The following RGL1 variants were observed in gnomAD, a reference collection of about 807,000 sequenced individuals.
The protein encoded by RGL1 is ral guanine nucleotide dissociation stimulator-like 1.
In RGL1, 24 loss-of-function variants were observed where a neutral mutation model predicts 95.2. The observed-to-expected ratio is 0.25, with a 90% CI of 0.18 to 0.35. The LOEUF (loss-of-function observed/expected upper bound fraction) is 0.35. Among genes scored for constraint, RGL1 ranks in the 10% least tolerant of loss-of-function variants. The pLI is 1.00. For missense variants in RGL1, 715 were observed against 936.3 expected (o/e 0.76, Z 3.08); for synonymous variants, 329 against 344.9 (o/e 0.95, Z 0.51).
At chr1:183,882,081 T>A (rs1208241938) in intron 5 of RGL1, among the ~76,000 whole-genome samples, 1 of 152,266 alleles carries the variant, frequency 6.6e-6, no homozygotes, top group Non-Finnish European at 1.5e-5. Flanking sequence ...AGTTCCCATG[T>A]GCTTGTTTTA....
intron 11 of RGL1, among the ~76,000 whole-genome samples, chr1:183,901,867 A>G (rs1668044723): frequency 6.6e-6 from 1 of 152,106 alleles, no homozygotes; most frequent in South Asian, 2.1e-4. Flanking sequence ...AGTATATACT[A>G]CCCCCTTGTT....
intron 15 of RGL1, among the ~76,000 whole-genome samples, chr1:183,914,505 ACCT>A: frequency 6.6e-6 from 1 of 152,112 alleles, no homozygotes; most frequent in South Asian, 2.1e-4. Flanking sequence ...GACTGAGCTG[ACCT>A]CCACACTTCC....
chr1:183,831,262 C>G (rs1663241551), intron 2 of RGL1, among the ~76,000 whole-genome samples: 1 of 152,130 alleles, frequency 6.6e-6, no homozygotes, highest in East Asian at 1.9e-4. Context: ...TCAGGCTGAG[C>G]AGCATTTAAG....
At chr1:183,875,460 G>A (rs961348228) in intron 4 of RGL1, among the ~76,000 whole-genome samples, 1 of 152,152 alleles carries the variant, frequency 6.6e-6, no homozygotes, top group Non-Finnish European at 1.5e-5. Flanking sequence ...TCTGCATTGC[G>A]TGCCTGAAGA....
At chr1:183,872,980 G>A (rs1666272162) in intron 4 of RGL1, among the ~76,000 whole-genome samples, 2 of 152,108 alleles carry the variant, frequency 1.3e-5, no homozygotes. Context: ...CGAAGAGTCT[G>A]GTATTGTCTT....
chr1:183,891,238 A>T (rs931701780), intron 8 of RGL1, among the ~76,000 whole-genome samples: 6 of 152,120 alleles, frequency 3.9e-5, no homozygotes, highest in African/African-American at 1.4e-4. Context: ...ATATATAGTG[A>T]TATTGCCCCT....
chr1:183,742,957 T>C (rs1195936463), intron 2 of RGL1, among the ~76,000 whole-genome samples: 1 of 152,194 alleles, frequency 6.6e-6, no homozygotes, highest in African/African-American at 2.4e-5. Context: ...TTCCCTGAGC[T>C]TGGGTTGTGA....
intron 14 of RGL1, among the ~76,000 whole-genome samples, chr1:183,908,812 G>C (rs1185369387): frequency 6.6e-6 from 1 of 152,182 alleles, no homozygotes; most frequent in East Asian, 1.9e-4. Context: ...TCTCAATGCA[G>C]GCAGGCCTAA....
intron 1 of RGL1, among the ~76,000 whole-genome samples, chr1:183,663,399 G>A (rs1572243207): frequency 1.3e-5 from 2 of 151,930 alleles, no homozygotes; most frequent in African/African-American, 2.4e-5. Context: ...AAAAGTGGAC[G>A]AAGGATATGA....
chr1:183,719,796 C>G (rs1046645381), intron 1 of RGL1, among the ~76,000 whole-genome samples: 1 of 152,126 alleles, frequency 6.6e-6, no homozygotes, highest in Non-Finnish European at 1.5e-5. Flanking sequence ...ATTCCAGCTA[C>G]TCAGGGGGCT....
intron 16 of RGL1, among the ~76,000 whole-genome samples, chr1:183,919,864 G>A (rs1352686842): frequency 6.6e-6 from 1 of 152,182 alleles, no homozygotes; most frequent in Non-Finnish European, 1.5e-5. Context: ...CACGGGTGGC[G>A]ATGGAGCATT....
chr1:183,904,813 C>CT (rs373345158), intron 12 of RGL1, 37 bp from the exon 13 acceptor site: 2,051 of 1,371,802 alleles, frequency 1.5e-3, no homozygotes, highest in South Asian at 4.2e-3. Flanking sequence ...ATTATTCAGT[C>CT]TTTTTTTTTT....
chr1:183,799,923 C>T (rs1232364829), intron 2 of RGL1, among the ~76,000 whole-genome samples: 1 of 152,142 alleles, frequency 6.6e-6, no homozygotes, highest in African/African-American at 2.4e-5. Flanking sequence ...AGAGGAGATA[C>T]ATTTTTATTC....
intron 2 of RGL1, among the ~76,000 whole-genome samples, chr1:183,761,133 T>C (rs1294747420): frequency 6.6e-6 from 1 of 152,262 alleles, no homozygotes; most frequent in Non-Finnish European, 1.5e-5. Context: ...TGACCTTCTC[T>C]CATGAATTAT....
At chr1:183,862,000 A>G (rs1665538660) in intron 3 of RGL1, among the ~76,000 whole-genome samples, 1 of 152,146 alleles carries the variant, frequency 6.6e-6, no homozygotes, top group Admixed American at 6.5e-5. Flanking sequence ...TTCCAACACT[A>G]GTCTAGTTTC....
In RGL1 at chr1:183,885,075, G is replaced by T. The variant is rs1161062234; in HGVS notation, c.951+137G>T. Reference sequence around the variant, plus strand: ...TATGAGAGCCCACTGGGTTTTTGTTGTTCTTCCAGAGTAAGAAAAAAGTTG... The same window carrying T: ...TATGAGAGCCCACTGGGTTTTTGTTTTTCTTCCAGAGTAAGAAAAAAGTTG... On this transcript the variant is annotated intron_variant, in intron 7 of 17. Transcript: ENST00000360851. The T allele has an allele frequency of 4.1e-6, 3 of 728,770 alleles. No homozygotes were observed. The East Asian group carries it at 8.4e-5, about 20-fold the overall frequency. The allele number at this position is 728,770 out of a possible 1,614,324, so 45.1% of individuals were successfully genotyped here.
Position 183,805,170 on chromosome 1 carries a change from CTG to C in RGL1, c.-125_-124del. 1 of 1,290,224 alleles carries C rather than the reference CTG, an allele frequency of 7.8e-7. No individual in the cohort carries two copies. Among genetic ancestry groups the C allele is most frequent in the Non-Finnish European group, 1.0e-6 (1 of 979,406 alleles). The allele number at this position is 1,290,224 out of a possible 1,614,324, so 79.9% of individuals were successfully genotyped here. A position where few individuals can be genotyped will look rare whatever the true frequency, so the allele number is the denominator to read the frequency against. On this transcript the variant is annotated 5_prime_UTR_variant, in exon 1 of 18. Coordinates refer to ENST00000360851, the MANE Select transcript of RGL1 (RefSeq NM_001297671.3). The stretch of plus-strand genomic sequence containing the variant: ...GCGGCGGGGGCAGCGCGGCGCGTGT[CTG>C]TGCGCTGCGGTCGCTCGGGACCGGG...
intron 8 of RGL1, among the ~76,000 whole-genome samples, chr1:183,889,938 T>C (rs1474936047): frequency 6.6e-6 from 1 of 152,118 alleles, no homozygotes; most frequent in Non-Finnish European, 1.5e-5. Context: ...GGTGATTGTG[T>C]GTATTAAAGA....
Position 183,661,955 on chromosome 1 carries a change from A to G in RGL1, c.-33+25454A>G, listed in dbSNP as rs914183772. 3.3e-5 allele frequency among the ~76,000 whole-genome samples: 5 copies of G among 150,320 alleles called. No homozygotes were observed. The East Asian group carries it at 5.8e-4, about 17-fold the overall frequency. ...CAGCATATAAACAGAACCAAAGACA[A>G]AAACCACATGATTATCTCAATAGAT... is the stretch of plus-strand genomic sequence containing the variant. On this transcript the variant is annotated intron_variant, in intron 1 of 18. Transcript: ENST00000304685.
Sources: gnomAD v4.1 joint callset for allele counts (sites outside exome capture counted in the v4.1 genomes callset) on GRCh38, gnomAD v4.1.1 for gene constraint, MANE v1.5 for transcripts, NCBI Gene and HGNC (gene_info 2026-07-23, HGNC 2026-07-21) for gene names.